Variants in CFLAR observed in about 807,000 individuals in gnomAD.
CFLAR encodes CASP8 and FADD like apoptosis regulator.
A neutral mutation model predicts 51.1 loss-of-function variants in CFLAR; 14 were observed. The ratio of observed to expected loss-of-function variants is 0.27; its 90% CI spans 0.18 to 0.43. The LOEUF (loss-of-function observed/expected upper bound fraction) is 0.43, where lower values mean the gene tolerates loss of function less well. CFLAR is among the 20% of genes least tolerant of loss of function. The pLI is 1.00. For synonymous variants in CFLAR, 210 were observed against 211.6 expected (o/e 0.99, Z 0.06); for missense variants, 390 against 566.5 (o/e 0.69, Z 3.16).
chr2:201,128,603 G>A (rs2048934360), intron 1 of CFLAR, among the ~76,000 whole-genome samples: 1 of 151,960 alleles, frequency 6.6e-6, no homozygotes, highest in Admixed American at 6.6e-5. Flanking sequence ...ATAAATAAAT[G>A]GATTCAGTGC....
At chr2:201,143,961 AG>A (rs1939566560) in intron 5 of CFLAR, among the ~76,000 whole-genome samples, 1 of 152,286 alleles carries the variant, frequency 6.6e-6, no homozygotes, top group Admixed American at 6.5e-5. Flanking sequence ...AAAAAAAAAA[AG>A]AATTTAAAAA....
intron 5 of CFLAR, chr2:201,140,774 T>TATATATATACATAC (rs1327076163): frequency 6.2e-6 from 1 of 161,926 alleles, no homozygotes; most frequent in African/African-American, 2.4e-5. Flanking sequence ...TATATATATA[T>TATATATATACATAC]ATACATACAT....
At chr2:201,131,046 A>T (rs569165362) in intron 2 of CFLAR, among the ~76,000 whole-genome samples, 1 of 152,164 alleles carries the variant, frequency 6.6e-6, no homozygotes, top group Non-Finnish European at 1.5e-5. Flanking sequence ...AAATCTCTTC[A>T]GTTAACCACA....
At chr2:201,140,276 C>G in intron 4 of CFLAR, 81 bp from the exon 5 acceptor site, 1 of 1,546,672 alleles carries the variant, frequency 6.5e-7, no homozygotes, top group Non-Finnish European at 8.8e-7. Context: ...TGGTGATTGA[C>G]CTTGGACTGA....
Position 201,169,956 on chromosome 2 carries a change from A to G in CFLAR, c.*5983A>G, listed in dbSNP as rs1006064020. On this transcript the variant is annotated 3_prime_UTR_variant, in exon 10 of 10. Coordinates refer to ENST00000309955, the MANE Select transcript of CFLAR (RefSeq NM_003879.7). ...GATTATTAAAAAGTCAAAAAACAAC[A>G]GATGCTGGCGAGGCTGTGGAGAAGT... 4 of 152,174 alleles carry G rather than the reference A, an allele frequency of 2.6e-5. No individual in the cohort carries two copies. The highest frequency in any genetic ancestry group is 7.2e-5 in the African/African-American group (3 of 41,450). 9.4% of individuals were successfully genotyped at this position (152,174 alleles called of 1,614,324 possible).
At chr2:201,127,966 T>C (rs777444374) in intron 1 of CFLAR, among the ~76,000 whole-genome samples, 21 of 152,286 alleles carry the variant, frequency 1.4e-4, no homozygotes, top group Middle Eastern at 3.4e-3. Flanking sequence ...CATTGTTATA[T>C]TGTTGATACT....
At position 201,138,723 on chromosome 2, in the gene CFLAR, G is replaced by C. The variant is rs538860402; in HGVS notation, c.524-1634G>C. On this transcript the variant is annotated intron_variant, in intron 4 of 9. Coordinates refer to ENST00000309955, the MANE Select transcript of CFLAR (RefSeq NM_003879.7). This position sits in a 1 kb window ranked among gnomAD's most constrained non-coding sequence, Gnocchi z 4.0. ...CACCACGGGGTGTGTGATAAAGCCC[G>C]GTTCAAACTTCTTGACCTTCTGCAC... The C allele has an allele frequency of 1.3e-6, 1 of 794,136 alleles. No homozygotes were observed. Among genetic ancestry groups the C allele is most frequent in the South Asian group, 1.3e-5 (1 of 74,896 alleles). The allele number at this position is 794,136 out of a possible 1,614,324, so 49.2% of individuals were successfully genotyped here.
chr2:201,163,805 A>G, intron 9 of CFLAR, 30 bp from the exon 10 acceptor site: 4 of 1,595,742 alleles, frequency 2.5e-6, no homozygotes, highest in Non-Finnish European at 3.4e-6. Flanking sequence ...TTTGCATGGC[A>G]TTAAATTTTG....
rs1943531556 is a variant in CFLAR, at chr2:201,166,181, C to G, written c.*2208C>G. ...CCAGGCGGACGCGCCCCCCACCTCCCTCCCGGACGGGATAGCTGGCCGGGC... is the reference window on the plus strand; with the variant it reads ...CCAGGCGGACGCGCCCCCCACCTCCGTCCCGGACGGGATAGCTGGCCGGGC... On this transcript the variant is annotated 3_prime_UTR_variant, in exon 10 of 10. Transcript: ENST00000309955. 2 of 161,426 alleles carry G rather than the reference C, an allele frequency of 1.2e-5. No homozygotes were observed. The highest frequency in any genetic ancestry group is 1.3e-4 in the Admixed American group (2 of 15,306). The allele number at this position is 161,426 out of a possible 1,614,324, so 10.0% of individuals were successfully genotyped here. A position where few individuals can be genotyped will look rare whatever the true frequency, so the allele number is the denominator to read the frequency against.
rs2048528184 is a variant in CFLAR, at chr2:201,124,800, G to A, written c.-137-4929G>A. Among the ~76,000 whole-genome samples the A allele has an allele frequency of 6.6e-6, 1 of 152,178 alleles. No homozygotes were observed. The highest frequency in any genetic ancestry group is 1.5e-5 in the Non-Finnish European group (1 of 68,032). On this transcript the variant is annotated intron_variant, in intron 1 of 9. Coordinates refer to ENST00000309955, the MANE Select transcript of CFLAR (RefSeq NM_003879.7). The surrounding 1 kb of genome is among the most constrained non-coding windows in gnomAD (Gnocchi z 4.7). ...AGGTGCAGAAAGAGTATGCTGAGGAGTAGAAGAAAGTTAGAGAAGGGTCTG... is the reference window on the plus strand; with the variant it reads ...AGGTGCAGAAAGAGTATGCTGAGGAATAGAAGAAAGTTAGAGAAGGGTCTG...
At chr2:201,148,536 G>A (rs1940684225) in intron 6 of CFLAR, 1 of 153,120 alleles carries the variant, frequency 6.5e-6, no homozygotes, top group Admixed American at 6.5e-5. Context: ...CAGTATCACT[G>A]GACTATGAAA....
At position 201,167,113 on chromosome 2, in the gene CFLAR, G is replaced by C. The variant is rs189242055; in HGVS notation, c.*3140G>C. 1 of 152,096 alleles carries C rather than the reference G, an allele frequency of 6.6e-6. No homozygotes were observed. The highest frequency in any genetic ancestry group is 1.5e-5 in the Non-Finnish European group (1 of 68,018). The allele number at this position is 152,096 out of a possible 1,614,324, so 9.4% of individuals were successfully genotyped here. A position where few individuals can be genotyped will look rare whatever the true frequency, so the allele number is the denominator to read the frequency against. Reference sequence around the variant, plus strand: ...TTGAGGTTTTAACTGATGTGTATCTGTATGTCTATTTGTGTATATTTTGTC... The same window carrying C: ...TTGAGGTTTTAACTGATGTGTATCTCTATGTCTATTTGTGTATATTTTGTC... On this transcript the variant is annotated 3_prime_UTR_variant, in exon 10 of 10. Coordinates refer to ENST00000309955, the MANE Select transcript of CFLAR (RefSeq NM_003879.7).
chr2:201,140,419 G>A lies in CFLAR; in HGVS notation c.586G>A (p.Asp196Asn). Reference protein sequence around the residue: ...LQAAIQKSLKDPSNNFRLHNG... With the variant: ...LQAAIQKSLKNPSNNFRLHNG... ...AGCAGCAATCCAAAAGAGTCTCAAG[G>A]ATCCTTCAAATAACTTCAGGGTGAG... The change falls in exon 5 of 10, where the codon GAT (aspartate) becomes AAT (asparagine). Residue 196 changes from aspartate (D) to asparagine (N), a missense_variant. Around this residue, in one of 2 missense-constraint regions of CFLAR, gnomAD observed 287 missense variants for 363.6 expected, o/e 0.79. Coordinates refer to ENST00000309955, the MANE Select transcript of CFLAR (RefSeq NM_003879.7). The A allele has an allele frequency of 6.2e-7, 1 of 1,607,090 alleles. No homozygotes were observed. Among genetic ancestry groups the A allele is most frequent in the Non-Finnish European group, 8.5e-7 (1 of 1,178,248 alleles).
chr2:201,137,172 C>T (rs1247633998), intron 4 of CFLAR: 4 of 200,030 alleles, frequency 2.0e-5, no homozygotes, highest in Admixed American at 1.6e-4. Context: ...GGGAGGTGCC[C>T]TATAGGAGAA....
At chr2:201,128,909 T>A (rs551308930) in intron 1 of CFLAR, among the ~76,000 whole-genome samples, 1 of 152,222 alleles carries the variant, frequency 6.6e-6, no homozygotes, top group African/African-American at 2.4e-5. Flanking sequence ...TCCTTACCCC[T>A]CCTACCCAGC....
intron 4 of CFLAR, chr2:201,137,972 G>A (rs1049082716): frequency 9.3e-6 from 7 of 748,962 alleles, no homozygotes; most frequent in Admixed American, 5.4e-5. Flanking sequence ...TGCCACCATC[G>A]GCTATGATGG....
At chr2:201,153,787 G>A (rs1160462449) in intron 8 of CFLAR, 2 of 151,922 alleles carry the variant, frequency 1.3e-5, no homozygotes, top group Non-Finnish European at 2.9e-5. Context: ...TGCTTTACAC[G>A]GATTCTTGCT....
Position 201,125,461 on chromosome 2 carries a change from C to T in CFLAR, c.-137-4268C>T, listed in dbSNP as rs191095816. On this transcript the variant is annotated intron_variant, in intron 1 of 9. Transcript: ENST00000309955. ...CACATGTTTACAAGCTGGGAGGAGCCGTCTCTGGAGGTAGAGAGGATGAAG... is the reference window on the plus strand; with the variant it reads ...CACATGTTTACAAGCTGGGAGGAGCTGTCTCTGGAGGTAGAGAGGATGAAG... Among the ~76,000 whole-genome samples, 17 of 152,008 alleles carry T rather than the reference C, an allele frequency of 1.1e-4. No homozygotes were observed. In the East Asian group the frequency reaches 2.5e-3, roughly 23 times the overall value.
In CFLAR at chr2:201,138,675, C is replaced by A; in HGVS notation, c.524-1682C>A. ...ACGCATCTTGGCCTCCAACACATCA[C>A]CCACAGTGTGCAAGGGGCTCAGCAC... On this transcript the variant is annotated intron_variant, in intron 4 of 9. Transcript: ENST00000309955. This position sits in a 1 kb window ranked among gnomAD's most constrained non-coding sequence, Gnocchi z 4.0. 1.0e-6 allele frequency: 1 copy of A among 981,138 alleles called. No homozygotes were observed. Among genetic ancestry groups the A allele is most frequent in the South Asian group, 1.3e-5 (1 of 78,282 alleles). The allele number at this position is 981,138 out of a possible 1,614,324, so 60.8% of individuals were successfully genotyped here. A position where few individuals can be genotyped will look rare whatever the true frequency, so the allele number is the denominator to read the frequency against.
Sources: allele counts gnomAD v4.1 joint callset (sites outside exome capture counted in the v4.1 genomes callset), GRCh38; gene constraint gnomAD v4.1.1; regional missense constraint gnomAD v4.1.1; non-coding constraint Gnocchi (gnomAD v3.1); transcripts MANE v1.5; gene names NCBI Gene and HGNC (gene_info 2026-07-23, HGNC 2026-07-21).